CD302: variants seen among roughly 807,000 people sequenced by gnomAD.
The protein encoded by CD302 is CD302 molecule.
Under a neutral mutation model 26.5 loss-of-function variants are expected in CD302, and 23 were observed. That is an observed-to-expected ratio of 0.87 (90% CI 0.62 to 1.23). The LOEUF (loss-of-function observed/expected upper bound fraction) is 1.23. Among genes scored for constraint, CD302 ranks in the 50% most tolerant of loss-of-function variants. CD302 has a pLI of 0.00. For missense variants in CD302, 290 were observed against 275.5 expected (o/e 1.05, Z -0.37); for synonymous variants, 90 against 99.4 (o/e 0.91, Z 0.56).
chr2:159,780,845 C>T, intron 3 of CD302, 37 bp downstream of exon 3: 1 of 1,586,082 alleles, frequency 6.3e-7, no homozygotes, highest in Non-Finnish European at 8.6e-7. Context: ...AAAAAAAGAA[C>T]AACAAAGTCA....
intron 1 of CD302, 105 bp downstream of exon 1, chr2:159,798,027 G>T: frequency 9.0e-7 from 1 of 1,111,644 alleles, no homozygotes; most frequent in Non-Finnish European, 1.2e-6. Flanking sequence ...GCCGGGTGTT[G>T]CGTCTGCGGG....
At chr2:159,773,983 C>T (rs987758964) in intron 5 of CD302, among the ~76,000 whole-genome samples, 2 of 152,054 alleles carry the variant, frequency 1.3e-5, no homozygotes, top group Non-Finnish European at 2.9e-5. Flanking sequence ...AATCCATTTT[C>T]TCAACATTTC....
chr2:159,775,721 A>G (rs1029168877), intron 5 of CD302, among the ~76,000 whole-genome samples: 2 of 152,170 alleles, frequency 1.3e-5, no homozygotes, highest in Non-Finnish European at 2.9e-5. Context: ...ACCACCATCC[A>G]TTCACAGAAC....
intron 5 of CD302, among the ~76,000 whole-genome samples, chr2:159,773,840 A>C (rs375605271): frequency 1.3e-5 from 2 of 149,588 alleles, no homozygotes; most frequent in African/African-American, 4.9e-5. Flanking sequence ...TATAATAGCT[A>C]TTTACCATGA....
At chr2:159,777,809 A>G in intron 5 of CD302, 129 bp downstream of exon 5, 1 of 439,272 alleles carries the variant, frequency 2.3e-6, no homozygotes, top group Non-Finnish European at 4.0e-6. Context: ...ACCTTTCTAC[A>G]TTCTTATAAA....
At position 159,798,173 on chromosome 2, in the gene CD302, A is replaced by C. The variant is rs1682531595; in HGVS notation, c.26T>G (p.Leu9Arg). 6.8e-7 allele frequency: 1 copy of C among 1,478,548 alleles called. No homozygotes were observed. Among genetic ancestry groups the C allele is most frequent in the African/African-American group, 1.5e-5 (1 of 67,406 alleles). 91.6% of individuals were successfully genotyped at this position (1,478,548 alleles called of 1,614,324 possible). ...GGCGAGGCCCAGCAACGGCAGCAGG[A>C]GCGCGGGCAGCGCGGCCCGGAGCAT... MLRAALPA[L>R]LLPLLGLAAA... Residue 9 changes from leucine to arginine, a missense_variant, in exon 1 of 6, where the codon CTC (leucine) becomes CGC (arginine). Transcript: ENST00000259053.
intron 1 of CD302, among the ~76,000 whole-genome samples, chr2:159,785,822 G>C (rs527883907): frequency 1.3e-5 from 2 of 152,252 alleles, no homozygotes; most frequent in East Asian, 1.9e-4. Context: ...AGAATTGATT[G>C]TGACTGTTGC....
chr2:159,773,095 G>A (rs1485807933), intron 5 of CD302, among the ~76,000 whole-genome samples: 6 of 152,154 alleles, frequency 3.9e-5, no homozygotes, highest in South Asian at 4.1e-4. Flanking sequence ...TTTTGGCTAC[G>A]GCAACCTCCG....
intron 4 of CD302, among the ~76,000 whole-genome samples, chr2:159,778,170 G>A (rs898840989): frequency 2.6e-4 from 40 of 152,190 alleles, no homozygotes; most frequent in Non-Finnish European, 4.3e-4. Flanking sequence ...AGATGTAGAG[G>A]GCTAACAACA....
At chr2:159,794,849 A>C (rs1708908648) in intron 1 of CD302, among the ~76,000 whole-genome samples, 1 of 150,966 alleles carries the variant, frequency 6.6e-6, no homozygotes, top group South Asian at 2.1e-4. Flanking sequence ...CGCCCAGCTC[A>C]AAATTTATTT....
Position 159,796,191 on chromosome 2 carries a change from A to C in CD302, c.67+1941T>G, listed in dbSNP as rs186733875. Among the ~76,000 whole-genome samples, 129 of 152,338 alleles carry C rather than the reference A, an allele frequency of 8.5e-4. No homozygotes were observed. The Middle Eastern group carries it at 0.014, about 16-fold the overall frequency. On this transcript the variant is annotated intron_variant, in intron 1 of 5. Transcript: ENST00000259053. ...ACATCATAAGAGCTTTTCTATTAAG[A>C]TCTTGGTATTCAGCAACAAACTCTT... is the stretch of plus-strand genomic sequence containing the variant.
At chr2:159,776,697 ATTTTTTTTTTTT>A (rs753454427) in intron 5 of CD302, among the ~76,000 whole-genome samples, 2 of 114,596 alleles carry the variant, frequency 1.7e-5, no homozygotes, top group African/African-American at 6.9e-5. Flanking sequence ...CTCACATCCA[ATTTTTTTTTTTT>A]TTTTTTTTTT....
chr2:159,779,612 GAA>G (rs1164314185), intron 4 of CD302, among the ~76,000 whole-genome samples: 1 of 148,720 alleles, frequency 6.7e-6, no homozygotes, highest in Non-Finnish European at 1.5e-5. Flanking sequence ...AATATATTCT[GAA>G]GTCTTATTCC....
At chr2:159,797,365 C>T (rs961031740) in intron 1 of CD302, among the ~76,000 whole-genome samples, 4 of 152,088 alleles carry the variant, frequency 2.6e-5, no homozygotes, top group Non-Finnish European at 1.5e-5. Context: ...TCTGTGTTCT[C>T]CAGAGTCTCC....
chr2:159,791,049 A>AATCAGT (rs1474753109), intron 1 of CD302, among the ~76,000 whole-genome samples: 2 of 152,214 alleles, frequency 1.3e-5, no homozygotes, highest in African/African-American at 4.8e-5. Flanking sequence ...AACACTGATT[A>AATCAGT]AGGTATATTC....
At chr2:159,793,855 G>T (rs772383354) in intron 1 of CD302, among the ~76,000 whole-genome samples, 4 of 152,068 alleles carry the variant, frequency 2.6e-5, no homozygotes, top group Non-Finnish European at 5.9e-5. Context: ...CTCTTCAGAA[G>T]GGCTGTTATA....
intron 1 of CD302, 116 bp downstream of exon 1, chr2:159,798,016 G>A (rs569958676): frequency 1.7e-5 from 17 of 996,128 alleles, no homozygotes; most frequent in Non-Finnish European, 2.4e-5. Context: ...CGGGATGGCC[G>A]GCCGGGTGTT....
chr2:159,779,888 C>A, intron 4 of CD302, 117 bp downstream of exon 4: 1 of 1,219,184 alleles, frequency 8.2e-7, no homozygotes. Context: ...CAGGCGTGAG[C>A]CACTGTGCCT....
chr2:159,775,269 CAT>C (rs1355748100), intron 5 of CD302, among the ~76,000 whole-genome samples: 1 of 152,180 alleles, frequency 6.6e-6, no homozygotes, highest in African/African-American at 2.4e-5. Flanking sequence ...ATTACATACA[CAT>C]ATTTAATACA....
Sources: gnomAD v4.1 joint callset for allele counts (sites outside exome capture counted in the v4.1 genomes callset) on GRCh38, gnomAD v4.1.1 for gene constraint, MANE v1.5 for transcripts, NCBI Gene and HGNC (gene_info 2026-07-23, HGNC 2026-07-21) for gene names.